ECE1: variants seen among roughly 807,000 people sequenced by gnomAD.
ECE1 encodes the protein endothelin-converting enzyme 1.
A neutral mutation model predicts 98.6 loss-of-function variants in ECE1; 35 were observed. The ratio of observed to expected loss-of-function variants is 0.35; its 90% confidence interval spans 0.27 to 0.47. ECE1 has a LOEUF of 0.47. Among genes scored for constraint, ECE1 ranks in the 20% least tolerant of loss-of-function variants. The pLI is 1.00. For missense variants in ECE1, 814 were observed against 1,025.3 expected (o/e 0.79, Z 2.81); for synonymous variants, 394 against 407.1 (o/e 0.97, Z 0.39).
At chr1:21,343,220 C>CT (rs1219881239) in intron 1 of ECE1, among the ~76,000 whole-genome samples, 1 of 152,200 alleles carries the variant, frequency 6.6e-6, no homozygotes, top group Non-Finnish European at 1.5e-5. Context: ...ACGTTTATGG[C>CT]CTGGTGGAAG....
rs750917955 is a variant in ECE1 at position 21,340,525 on chromosome 1, G to A, written c.3+4851C>T. Among the ~76,000 whole-genome samples the A allele has an allele frequency of 5.3e-5, 8 of 152,302 alleles. No homozygotes were observed. The highest frequency in any genetic ancestry group is 1.9e-4 in the African/African-American group (8 of 41,554). ...ACCATCTCAGAATGCAAATCCGACC[G>A]TGTCACTCCCCTGACTCTAAACTCC... On this transcript the variant is annotated intron_variant, in intron 1 of 18. Coordinates refer to the ECE1 transcript ENST00000415912. This position sits in a 1 kb window ranked among gnomAD's most constrained non-coding sequence, Gnocchi z 4.6.
In ECE1 at chr1:21,314,335, C is replaced by T. The variant is rs558872507; in HGVS notation, c.4-24179G>A. ...GCAGCCACATTCCCAAACCCCCTCC[C>T]GGGCCCCCAAATTCCTGGCTCGGTA... On this transcript the variant is annotated intron_variant, in intron 1 of 18. Coordinates refer to the ECE1 transcript ENST00000415912. Among the ~76,000 whole-genome samples, 58 of 152,362 alleles carry T rather than the reference C, an allele frequency of 3.8e-4. 1 individual carries two copies. Among genetic ancestry groups the T allele is most frequent in the African/African-American group, 1.3e-3 (55 of 41,586 alleles).
At chr1:21,330,113 G>A (rs1364273420) in intron 1 of ECE1, among the ~76,000 whole-genome samples, 1 of 139,254 alleles carries the variant, frequency 7.2e-6, no homozygotes, top group Non-Finnish European at 1.5e-5. Context: ...AAAGGCTCCT[G>A]CCCACATACT....
intron 1 of ECE1, among the ~76,000 whole-genome samples, chr1:21,332,088 C>T (rs1324094178): frequency 6.6e-6 from 1 of 152,184 alleles, no homozygotes; most frequent in African/African-American, 2.4e-5. Flanking sequence ...TGCACCCTCC[C>T]CCACCCCATC....
chr1:21,272,205 TACTC>T (rs1467134741), intron 4 of ECE1, among the ~76,000 whole-genome samples: 1 of 152,212 alleles, frequency 6.6e-6, no homozygotes, highest in Non-Finnish European at 1.5e-5. Flanking sequence ...ATATGTGACT[TACTC>T]AGGATCATAC....
At chr1:21,301,827 GAAAAAAAAAAAAAAA>G (rs34861827) in intron 1 of ECE1, among the ~76,000 whole-genome samples, 4 of 33,944 alleles carry the variant, frequency 1.2e-4, no homozygotes, top group African/African-American at 2.0e-4. Flanking sequence ...CCCTGTCTCA[GAAAAAAAAAAAAAAA>G]AAAAAAAAAA....
At chr1:21,323,632 AAAAAT>A (rs58201460) in intron 1 of ECE1, among the ~76,000 whole-genome samples, 3,178 of 149,484 alleles carry the variant, frequency 0.021, 110 homozygotes, top group African/African-American at 0.071. Flanking sequence ...CCAAAAAACT[AAAAAT>A]AAAATAAAAT....
chr1:21,279,465 G>A, intron 2 of ECE1, 133 bp from the exon 3 acceptor site: 1 of 1,537,558 alleles, frequency 6.5e-7, no homozygotes. Context: ...GGGGTGGTCT[G>A]GTTCCCACAG....
Position 21,236,864 on chromosome 1 carries a change from A to G in ECE1, c.1390-20T>C. 6.2e-7 allele frequency: 1 copy of G among 1,607,400 alleles called. No homozygotes were observed. The highest frequency in any genetic ancestry group is 1.1e-5 in the South Asian group (1 of 90,960). ...GGTGGCCTGAGGAGATACACATCAC[A>G]GCAGTAAGGTCTGCGCACTGGTCTC... On this transcript the variant is annotated intron_variant, in intron 11 of 18. Transcript: ENST00000374893.
intron 1 of ECE1, among the ~76,000 whole-genome samples, chr1:21,320,383 G>A (rs2103401345): frequency 6.6e-6 from 1 of 152,188 alleles, no homozygotes; most frequent in South Asian, 2.1e-4. Flanking sequence ...CACGTTGCCT[G>A]CAGGGCTCAT....
chr1:21,242,647 C>A (rs984343822), intron 10 of ECE1, among the ~76,000 whole-genome samples: 6 of 152,180 alleles, frequency 3.9e-5, no homozygotes, highest in African/African-American at 1.4e-4. Context: ...GACCCTCCCA[C>A]TTCAGGGTTC....
Position 21,250,381 on chromosome 1 carries a change from T to C in ECE1, c.1021-3018A>G, listed in dbSNP as rs1176466031. On this transcript the variant is annotated intron_variant, in intron 8 of 18. Coordinates refer to ENST00000374893, the MANE Select transcript of ECE1 (RefSeq NM_001397.3). ...GAACACAAGGTTTTTTGGAATTATA[T>C]ATACTGCTACAGCAAAAATGCCTGT... 3.3e-5 allele frequency among the ~76,000 whole-genome samples: 5 copies of C among 152,232 alleles called. No homozygotes were observed. The East Asian group carries it at 9.6e-4, about 29-fold the overall frequency.
intron 3 of ECE1, among the ~76,000 whole-genome samples, chr1:21,275,687 A>G (rs1378737138): frequency 6.6e-6 from 1 of 152,246 alleles, no homozygotes; most frequent in Non-Finnish European, 1.5e-5. Context: ...GAGGTGCTTA[A>G]GGAGCAATGG....
rs942144489 is a variant in ECE1 at position 21,319,967 on chromosome 1, A to G, written c.3+25409T>C. Among the ~76,000 whole-genome samples the G allele has an allele frequency of 3.9e-5, 6 of 152,208 alleles. No individual in the cohort carries two copies. Among genetic ancestry groups the G allele is most frequent in the Non-Finnish European group, 7.3e-5 (5 of 68,032 alleles). On this transcript the variant is annotated intron_variant, in intron 1 of 18. Coordinates refer to the ECE1 transcript ENST00000415912. The surrounding 1 kb of genome is among the most constrained non-coding windows in gnomAD (Gnocchi z 4.4). The stretch of plus-strand genomic sequence containing the variant: ...CATCTTTTGACTTCCCTGGGCCACA[A>G]TGTAAGAAATATTGTCTTGGGTCAC...
At chr1:21,237,151 G>A (rs538214049) in intron 11 of ECE1, among the ~76,000 whole-genome samples, 131 of 152,288 alleles carry the variant, frequency 8.6e-4, no homozygotes, top group African/African-American at 3.1e-3. Context: ...AATAGGCACC[G>A]TGATTCTTCC....
intron 1 of ECE1, among the ~76,000 whole-genome samples, chr1:21,341,285 G>A (rs1639393785): frequency 6.6e-6 from 1 of 152,256 alleles, no homozygotes; most frequent in African/African-American, 2.4e-5. Flanking sequence ...CGGCCCCCAT[G>A]CCTCGTGTTG....
intron 8 of ECE1, among the ~76,000 whole-genome samples, chr1:21,252,238 A>C (rs1573968232): frequency 6.6e-6 from 1 of 152,214 alleles, no homozygotes; most frequent in Non-Finnish European, 1.5e-5. Context: ...TGACTGTCAG[A>C]TAAGATGTGT....
intron 3 of ECE1, 111 bp downstream of exon 3, chr1:21,279,080 C>T (rs2098251131): frequency 6.3e-7 from 1 of 1,591,224 alleles, no homozygotes; most frequent in African/African-American, 1.3e-5. Flanking sequence ...TGGCTCCCTC[C>T]TTAGCCTCAG....
chr1:21,256,016 G>A lies in ECE1; in HGVS notation c.951C>T (p.Ile317=). Residue 317 remains isoleucine (I), a synonymous_variant, in exon 8 of 19, where the codon ATC becomes ATT. Transcript: ENST00000374893. ...ILDFETALAN[I]TIPQEKRRDE... is the part of the protein sequence containing the mutation. ...CACGGCGCTTCTCCTGTGGGATGGT[G>A]ATGTTGGCCAGTGCCGTCTCAAAGT... is the stretch of plus-strand genomic sequence containing the variant. 6.2e-7 allele frequency: 1 copy of A among 1,614,020 alleles called. No individual in the cohort carries two copies.
Sources: gnomAD v4.1 joint callset for allele counts (sites outside exome capture counted in the v4.1 genomes callset) on GRCh38, gnomAD v4.1.1 for gene constraint, Gnocchi (gnomAD v3.1) non-coding constraint, MANE v1.5 for transcripts, NCBI Gene and HGNC (gene_info 2026-07-23, HGNC 2026-07-21) for gene names.